The following LAMA1 variants were observed in gnomAD, a reference collection of about 807,000 sequenced individuals.
LAMA1 encodes laminin subunit alpha-1.
LAMA1 carries 219 observed loss-of-function variants against 348.7 expected under a neutral mutation model. That is an observed-to-expected ratio of 0.63 (90% CI 0.56 to 0.70). The LOEUF (loss-of-function observed/expected upper bound fraction) is 0.70. Ranked by LOEUF, LAMA1 falls within the 30% of genes least tolerant of loss-of-function variation. LAMA1 has a pLI of 0.00. For missense variants in LAMA1, 3,744 were observed against 3,888.0 expected, an observed-to-expected ratio of 0.96 and a Z score of 0.99; for synonymous variants, 1,487 against 1,491.0, an observed-to-expected ratio of 1.00 and a Z score of 0.06.
chr18:7,071,873 C>T (rs940277734), intron 3 of LAMA1, among the ~76,000 whole-genome samples: 3 of 152,080 alleles, frequency 2.0e-5, no homozygotes, highest in Non-Finnish European at 4.4e-5. Context: ...AAGTCACAGG[C>T]GATTATGAGA....
chr18:6,992,272 A>C (rs601239), intron 36 of LAMA1, among the ~76,000 whole-genome samples: 107,368 of 152,160 alleles, frequency 0.71, 38,118 homozygotes, highest in East Asian at 0.89. Context: ...CCATGAGGCT[A>C]TGCTGTTTGT....
intron 56 of LAMA1, chr18:6,956,021 G>A (rs544189631): frequency 1.4e-5 from 4 of 295,910 alleles, no homozygotes; most frequent in African/African-American, 2.2e-5. Context: ...CAAGTCATGG[G>A]GGTCCCAGAT....
intron 3 of LAMA1, among the ~76,000 whole-genome samples, chr18:7,070,092 A>G (rs2058139709): frequency 6.6e-6 from 1 of 152,266 alleles, no homozygotes; most frequent in Non-Finnish European, 1.5e-5. Flanking sequence ...CACAGAGAAC[A>G]TGACAACACA....
chr18:7,010,516 C>A, intron 25 of LAMA1, 131 bp from the exon 26 acceptor site: 1 of 860,644 alleles, frequency 1.2e-6, no homozygotes, highest in Admixed American at 2.1e-5. Context: ...AATTTGTTGT[C>A]TGGAATTTGC....
chr18:6,995,410 C>T lies in LAMA1; in HGVS notation c.4843G>A (p.Gly1615Arg). ...GCAACACCTTCAAGCTTAATTTTTC[C>T]CAGGTCCTTTTGCATATTTTCTTTT... Reference protein sequence around the residue: ...LLKENMQKDLGKIKLEGVAEE... With the variant: ...LLKENMQKDLRKIKLEGVAEE... Residue 1615 changes from glycine (G) to arginine (R), a missense_variant, in exon 34 of 63, where the codon GGA becomes AGA. This residue lies in a region of LAMA1 where 1,983 missense variants were observed against 1,934.3 expected (regional missense o/e 1.03). Coordinates refer to ENST00000389658, the MANE Select transcript of LAMA1 (RefSeq NM_005559.4). The T allele has an allele frequency of 6.2e-7, 1 of 1,612,864 alleles. No homozygotes were observed. The highest frequency in any genetic ancestry group is 8.5e-7 in the Non-Finnish European group (1 of 1,178,864).
intron 56 of LAMA1, chr18:6,955,882 A>T (rs1230364245): frequency 2.8e-6 from 1 of 352,026 alleles, no homozygotes; most frequent in Non-Finnish European, 5.6e-6. Context: ...CCCACAGGTG[A>T]CATGTTTTGC....
Position 6,965,390 on chromosome 18 carries a change from C to A in LAMA1, c.7093G>T (p.Val2365Phe), listed in dbSNP as rs765174224. The change falls in exon 50 of 63, where the codon GTT becomes TTT. Residue 2365 changes from valine to phenylalanine, a missense_variant. Val to Phe is a conservative substitution (Grantham distance 50). Around this residue, in one of 3 missense-constraint regions of LAMA1, gnomAD observed 1,983 missense variants for 1,934.3 expected, o/e 1.03. Transcript: ENST00000389658. ...GGTCCTGAACCCAGGTCAGTCATAA[C>A]CTTCACTCTGCCACGAAACAGCTCG... ...SIELFRGRVKVMTDLGSGPIT... is the reference protein window; with the variant it reads ...SIELFRGRVKFMTDLGSGPIT... 1.2e-6 allele frequency: 2 copies of A among 1,614,162 alleles called. No individual in the cohort carries two copies. The highest frequency in any genetic ancestry group is 2.2e-5 in the East Asian group (1 of 44,870).
chr18:7,028,720 C>G (rs529243484), intron 16 of LAMA1, among the ~76,000 whole-genome samples: 1 of 152,228 alleles, frequency 6.6e-6, no homozygotes, highest in African/African-American at 2.4e-5. Flanking sequence ...CCTTCCCCCC[C>G]TCATTTAAAA....
intron 36 of LAMA1, among the ~76,000 whole-genome samples, chr18:6,991,242 G>A (rs2057757001): frequency 6.6e-6 from 1 of 151,694 alleles, no homozygotes; most frequent in African/African-American, 2.4e-5. Context: ...GCTCTATGAT[G>A]AAAAAAGACA....
chr18:7,011,604 G>A, intron 24 of LAMA1, 125 bp from the exon 25 acceptor site: 1 of 1,014,754 alleles, frequency 9.9e-7, no homozygotes, highest in South Asian at 1.4e-5. Flanking sequence ...AAACAGTAAA[G>A]ACTTTTCCTT....
intron 2 of LAMA1, 31 bp downstream of exon 2, chr18:7,080,256 G>A: frequency 6.2e-7 from 1 of 1,613,654 alleles, no homozygotes; most frequent in Non-Finnish European, 8.5e-7. Flanking sequence ...CATTCCCATG[G>A]GAATTTCAGA....
At chr18:6,955,958 G>A (rs2057574958) in intron 56 of LAMA1, 2 of 315,254 alleles carry the variant, frequency 6.3e-6, no homozygotes, top group East Asian at 7.8e-5. Flanking sequence ...GGAGCCAGGC[G>A]GGAAGGGCCC....
At chr18:7,038,714 G>C in intron 11 of LAMA1, 96 bp downstream of exon 11, 1 of 1,512,570 alleles carries the variant, frequency 6.6e-7, no homozygotes, top group Non-Finnish European at 9.1e-7. Context: ...GTGGTGTCAC[G>C]GGAAGTCATC....
chr18:6,945,607 G>A (rs567238333), intron 61 of LAMA1, among the ~76,000 whole-genome samples: 1 of 152,274 alleles, frequency 6.6e-6, no homozygotes, highest in African/African-American at 2.4e-5. Context: ...GTTAGGTAGA[G>A]AGAGGACCAG....
At chr18:7,007,361 T>C (rs2144107616) in intron 28 of LAMA1, 85 bp from the exon 29 acceptor site, 5 of 1,358,154 alleles carry the variant, frequency 3.7e-6, no homozygotes, top group Non-Finnish European at 5.0e-6. Context: ...AAAGGAGACA[T>C]ACAAATGGCC....
At chr18:6,999,713 C>G in intron 31 of LAMA1, 75 bp from the exon 32 acceptor site, 1 of 1,334,410 alleles carries the variant, frequency 7.5e-7, no homozygotes, top group Admixed American at 1.9e-5. Context: ...TAATCATTTC[C>G]GCCAAATGAA....
At chr18:7,101,746 C>T (rs918472718) in intron 1 of LAMA1, among the ~76,000 whole-genome samples, 1 of 152,172 alleles carries the variant, frequency 6.6e-6, no homozygotes, top group Admixed American at 6.5e-5. Context: ...TAGTTTACTG[C>T]AGCCTCGACC....
chr18:7,012,268 T>C lies in LAMA1; in HGVS notation c.3364-130A>G, dbSNP rs148542351. 707 of 986,312 alleles carry C rather than the reference T, an allele frequency of 7.2e-4. 1 individual carries two copies. In the African/African-American group the frequency reaches 0.01, roughly 14 times the overall value. 61.1% of individuals were successfully genotyped at this position (986,312 alleles called of 1,614,324 possible). ...TAGATGCACAAACATTAGTTTCCTC[T>C]AGCCAGGCCCGGAGCTTTCTGAGTG... is the stretch of plus-strand genomic sequence containing the variant. On this transcript the variant is annotated intron_variant, in intron 23 of 62. Transcript: ENST00000389658.
At chr18:6,945,156 A>G (rs541242315) in intron 61 of LAMA1, among the ~76,000 whole-genome samples, 2 of 152,214 alleles carry the variant, frequency 1.3e-5, no homozygotes, top group East Asian at 3.9e-4. Flanking sequence ...CAGCCTCCCA[A>G]GGTTTTGGGA....
Sources: allele counts gnomAD v4.1 joint callset (sites outside exome capture counted in the v4.1 genomes callset), GRCh38; gene constraint gnomAD v4.1.1; regional missense constraint gnomAD v4.1.1; transcripts MANE v1.5; gene names NCBI Gene and HGNC (gene_info 2026-07-23, HGNC 2026-07-21).